The following VTI1A variants were observed in gnomAD, a reference collection of about 807,000 sequenced individuals.
VTI1A encodes the protein vesicle transport through interaction with t-SNAREs 1A, also known as vesicle transport through interaction with t-SNAREs homolog 1A.
VTI1A carries 22 observed loss-of-function variants against 34.9 expected under a neutral mutation model. The observed-to-expected ratio is 0.63, with a 90% confidence interval of 0.45 to 0.90. The LOEUF (loss-of-function observed/expected upper bound fraction) is 0.90. Ranked by LOEUF, VTI1A falls within the 40% of genes least tolerant of loss-of-function variation. The probability of loss-of-function intolerance (pLI) is 0.00; values close to 1 mark genes in which losing one functional copy is unlikely to be tolerated. For synonymous variants in VTI1A, 87 were observed against 97.3 expected, an observed-to-expected ratio of 0.89 and a Z score of 0.62; for missense variants, 268 against 275.6, an observed-to-expected ratio of 0.97 and a Z score of 0.20.
chr10:112,732,176 A>G (rs1210872391), intron 7 of VTI1A, among the ~76,000 whole-genome samples: 1 of 152,208 alleles, frequency 6.6e-6, no homozygotes, highest in Non-Finnish European at 1.5e-5. Context: ...GATTACCTGT[A>G]CAGCCTTTGT....
chr10:112,539,768 A>G (rs142191292), intron 5 of VTI1A, among the ~76,000 whole-genome samples: 60 of 152,304 alleles, frequency 3.9e-4, no homozygotes, highest in African/African-American at 1.4e-3. Flanking sequence ...TTAAGAAAAA[A>G]TGGTACATGT....
intron 2 of VTI1A, among the ~76,000 whole-genome samples, chr10:112,461,430 A>G (rs1038322741): frequency 1.3e-5 from 2 of 152,168 alleles, no homozygotes; most frequent in African/African-American, 4.8e-5. Context: ...GATTCTCAAC[A>G]CTGTTACCAC....
chr10:112,757,205 A>G (rs746762697), intron 7 of VTI1A, among the ~76,000 whole-genome samples: 8 of 152,118 alleles, frequency 5.3e-5, no homozygotes, highest in African/African-American at 9.7e-5. Flanking sequence ...TCAGTCAAGC[A>G]TAACTTCCAT....
intron 5 of VTI1A, among the ~76,000 whole-genome samples, chr10:112,539,702 A>G (rs1364065729): frequency 6.6e-6 from 1 of 152,152 alleles, no homozygotes; most frequent in Admixed American, 6.5e-5. Flanking sequence ...AACCTCGCTG[A>G]GCCTCAGTTT....
chr10:112,652,692 A>T (rs1847080673), intron 5 of VTI1A, among the ~76,000 whole-genome samples: 1 of 142,424 alleles, frequency 7.0e-6, no homozygotes, highest in South Asian at 2.3e-4. Context: ...ATGCCAGTGC[A>T]CTCTAGCCTG....
At chr10:112,801,758 T>C (rs1852885943) in intron 7 of VTI1A, among the ~76,000 whole-genome samples, 1 of 152,194 alleles carries the variant, frequency 6.6e-6, no homozygotes, top group African/African-American at 2.4e-5. Context: ...TGATCACGCA[T>C]TTACCTAGAA....
chr10:112,628,642 A>G (rs1846010927), intron 5 of VTI1A, among the ~76,000 whole-genome samples: 1 of 152,100 alleles, frequency 6.6e-6, no homozygotes, highest in Admixed American at 6.5e-5. Flanking sequence ...GAGTTTGTTT[A>G]TTTTTATAAT....
the VTI1A span, among the ~76,000 whole-genome samples, chr10:112,843,972 CTG>C: frequency 6.6e-6 from 1 of 152,182 alleles, no homozygotes; most frequent in Admixed American, 6.5e-5. Flanking sequence ...GGTTTGCAGA[CTG>C]TGTGCCCAGG....
At chr10:112,782,080 C>T (rs1218187384) in intron 7 of VTI1A, among the ~76,000 whole-genome samples, 2 of 152,312 alleles carry the variant, frequency 1.3e-5, no homozygotes, top group African/African-American at 4.8e-5. Flanking sequence ...TAGCGATTAC[C>T]ACAGTTTAAA....
chr10:112,732,457 G>A (rs1231297541), intron 7 of VTI1A, among the ~76,000 whole-genome samples: 1 of 152,156 alleles, frequency 6.6e-6, no homozygotes, highest in Non-Finnish European at 1.5e-5. Context: ...CAAGCATTCA[G>A]ACTATGAATG....
intron 7 of VTI1A, among the ~76,000 whole-genome samples, chr10:112,754,149 C>T (rs1851199413): frequency 6.6e-6 from 1 of 152,184 alleles, no homozygotes. Context: ...GTAGAGGTTC[C>T]TTAGAAGGTA....
intron 7 of VTI1A, among the ~76,000 whole-genome samples, chr10:112,761,851 A>G (rs1015108119): frequency 3.6e-5 from 2 of 55,392 alleles, no homozygotes; most frequent in African/African-American, 1.1e-4. Context: ...ATCTTTGTGT[A>G]TCTATACACG....
intron 1 of VTI1A, among the ~76,000 whole-genome samples, chr10:112,453,680 T>G (rs1589782219): frequency 1.3e-5 from 2 of 152,184 alleles, no homozygotes; most frequent in Admixed American, 1.3e-4. Flanking sequence ...TTTTCTTTTT[T>G]TTAAGGACTA....
At chr10:112,706,062 G>A (rs7898046) in intron 7 of VTI1A, among the ~76,000 whole-genome samples, 27,491 of 152,088 alleles carry the variant, frequency 0.18, 5,224 homozygotes, top group African/African-American at 0.47. Flanking sequence ...ATTCCTTTCC[G>A]TAGCAAACCT....
intron 7 of VTI1A, among the ~76,000 whole-genome samples, chr10:112,672,175 A>C (rs1173442965): frequency 2.6e-5 from 4 of 152,196 alleles, no homozygotes; most frequent in Non-Finnish European, 4.4e-5. Flanking sequence ...GTTTGGAAAA[A>C]AAAATAGGGA....
At chr10:112,758,546 A>G (rs148450409) in intron 7 of VTI1A, among the ~76,000 whole-genome samples, 46 of 152,316 alleles carry the variant, frequency 3.0e-4, no homozygotes, top group African/African-American at 9.4e-4. Context: ...CCAAGACCCA[A>G]TGCTGCAAGA....
At chr10:112,590,070 A>G (rs1022772606) in intron 5 of VTI1A, among the ~76,000 whole-genome samples, 10 of 152,168 alleles carry the variant, frequency 6.6e-5, no homozygotes, top group Non-Finnish European at 1.0e-4. Flanking sequence ...TACTCAGAAG[A>G]TGAACTCAGT....
chr10:112,688,992 C>T (rs1191189633), intron 7 of VTI1A, among the ~76,000 whole-genome samples: 1 of 152,116 alleles, frequency 6.6e-6, no homozygotes, highest in Admixed American at 6.6e-5. Flanking sequence ...CTGCCTCTAG[C>T]ATGTCCTTAG....
At chr10:112,593,637 C>A (rs570911888) in intron 5 of VTI1A, among the ~76,000 whole-genome samples, 27 of 152,184 alleles carry the variant, frequency 1.8e-4, no homozygotes, top group Non-Finnish European at 3.7e-4. Context: ...AACCACCAAC[C>A]AGTCTAAACA....
Sources: gnomAD v4.1 joint callset for allele counts (sites outside exome capture counted in the v4.1 genomes callset) on GRCh38, gnomAD v4.1.1 for gene constraint, MANE v1.5 for transcripts, NCBI Gene and HGNC (gene_info 2026-07-23, HGNC 2026-07-21) for gene names.